ANGPT2: variants seen among roughly 807,000 people sequenced by gnomAD.
ANGPT2 encodes the protein angiopoietin-2.
Under a neutral mutation model 62.9 loss-of-function variants are expected in ANGPT2, and 28 were observed. The observed-to-expected ratio is 0.44, with a 90% CI of 0.33 to 0.61. The LOEUF (loss-of-function observed/expected upper bound fraction) is 0.61, where lower values mean the gene tolerates loss of function less well. Ranked by LOEUF, ANGPT2 falls within the 20% of genes least tolerant of loss-of-function variation. The pLI, the probability that ANGPT2 is intolerant of heterozygous loss-of-function variation, is 0.03. For synonymous variants in ANGPT2, 284 were observed against 207.8 expected, an observed-to-expected ratio of 1.37 and a Z score of -3.15; for missense variants, 727 against 594.9, an observed-to-expected ratio of 1.22 and a Z score of -2.31.
chr8:6,549,466 G>T (rs1010400662), intron 1 of ANGPT2, among the ~76,000 whole-genome samples: 1 of 152,212 alleles, frequency 6.6e-6, no homozygotes, highest in Non-Finnish European at 1.5e-5. Flanking sequence ...GACGAGGAGG[G>T]GCCTGAGGAA....
intron 1 of ANGPT2, among the ~76,000 whole-genome samples, chr8:6,542,558 C>G (rs902697059): frequency 6.6e-6 from 1 of 151,854 alleles, no homozygotes; most frequent in Non-Finnish European, 1.5e-5. Context: ...AACACCCCAT[C>G]CCGCACTCTC....
chr8:6,527,462 A>T, intron 3 of ANGPT2, 93 bp downstream of exon 3: 1 of 1,477,808 alleles, frequency 6.8e-7, no homozygotes, highest in Non-Finnish European at 9.2e-7. Context: ...ACATGAAGAA[A>T]CTCACCATTC....
intron 1 of ANGPT2, among the ~76,000 whole-genome samples, chr8:6,547,605 G>A (rs1484928152): frequency 3.3e-5 from 5 of 152,158 alleles, no homozygotes; most frequent in African/African-American, 7.2e-5. Context: ...TGACTCACTT[G>A]CCTCATCAGT....
intron 1 of ANGPT2, among the ~76,000 whole-genome samples, chr8:6,535,813 C>A (rs1040269716): frequency 1.3e-5 from 2 of 151,354 alleles, no homozygotes; most frequent in Non-Finnish European, 1.5e-5. Context: ...TTTGGGAGGC[C>A]GAGGCAGGAG....
At position 6,499,939 on chromosome 8, in the gene ANGPT2, ATGT is replaced by A. The variant is rs780475183; in HGVS notation, c.*3159_*3161del. On this transcript the variant is annotated 3_prime_UTR_variant, in exon 9 of 9. Transcript: ENST00000629816. ...CTTCCCTGCAGCTCCCGTAAGTCAG[ATGT>A]TGTTTTACGATGGTAAATGCAGTTT... 3.1e-6 allele frequency: 5 copies of A among 1,610,802 alleles called. No individual in the cohort carries two copies. Among genetic ancestry groups the A allele is most frequent in the Middle Eastern group, 3.5e-4 (2 of 5,754 alleles).
chr8:6,555,433 A>C (rs10481362), intron 1 of ANGPT2, among the ~76,000 whole-genome samples: 11,434 of 151,188 alleles, frequency 0.076, 1,267 homozygotes, highest in African/African-American at 0.24. Context: ...TCTTGGTTAT[A>C]ACATAATTTG....
At chr8:6,529,175 C>A (rs1256267122) in intron 2 of ANGPT2, among the ~76,000 whole-genome samples, 1 of 152,202 alleles carries the variant, frequency 6.6e-6, no homozygotes, top group Non-Finnish European at 1.5e-5. Context: ...ACCGCTGGAC[C>A]AGCCTGAAGG....
chr8:6,540,191 C>A (rs1206768717), intron 1 of ANGPT2, among the ~76,000 whole-genome samples: 1 of 152,140 alleles, frequency 6.6e-6, no homozygotes, highest in Non-Finnish European at 1.5e-5. Context: ...ATTTTTTTCA[C>A]ATATATTTGA....
intron 1 of ANGPT2, among the ~76,000 whole-genome samples, chr8:6,538,108 G>A (rs1035032273): frequency 7.3e-5 from 11 of 151,722 alleles, no homozygotes; most frequent in South Asian, 2.1e-4. Context: ...ACACATACAC[G>A]TTTTTCTATC....
At chr8:6,505,396 TAGAATATATATATTCTTTATATACATAA>T (rs1563306818) in intron 8 of ANGPT2, among the ~76,000 whole-genome samples, 1,022 of 55,792 alleles carry the variant, frequency 0.018, 118 homozygotes, top group Non-Finnish European at 0.034. Flanking sequence ...TATATGTATA[TAGAATATATATATTCTTTATATACATAA>T]AGAATATATA....
intron 1 of ANGPT2, among the ~76,000 whole-genome samples, chr8:6,559,545 TC>T (rs1563127059): frequency 1.4e-5 from 2 of 142,468 alleles, no homozygotes; most frequent in Non-Finnish European, 3.1e-5. Flanking sequence ...AATGTTTGCC[TC>T]CGTAGTAGGC....
intron 5 of ANGPT2, among the ~76,000 whole-genome samples, chr8:6,516,756 C>G (rs778165369): frequency 6.6e-6 from 1 of 152,128 alleles, no homozygotes; most frequent in Non-Finnish European, 1.5e-5. Context: ...GTGAGCCTAT[C>G]CTTGTTCCAA....
intron 1 of ANGPT2, among the ~76,000 whole-genome samples, chr8:6,544,349 TTGAC>T (rs200463012): frequency 0.016 from 2,436 of 152,342 alleles, 25 homozygotes; most frequent in Non-Finnish European, 0.025. Context: ...TGATTATAGT[TTGAC>T]TGTGCTGGAA....
intron 7 of ANGPT2, 104 bp from the exon 8 acceptor site, chr8:6,509,166 G>C (rs1814415571): frequency 6.9e-7 from 1 of 1,448,892 alleles, no homozygotes; most frequent in Non-Finnish European, 9.3e-7. Flanking sequence ...AGCGTGTTCT[G>C]TACTCGTTAA....
At chr8:6,525,109 C>G (rs980311375) in intron 3 of ANGPT2, among the ~76,000 whole-genome samples, 1 of 152,230 alleles carries the variant, frequency 6.6e-6, no homozygotes, top group African/African-American at 2.4e-5. Context: ...CATTTTCTGA[C>G]TCTTTAACCC....
chr8:6,538,099 C>T (rs564234397), intron 1 of ANGPT2, among the ~76,000 whole-genome samples: 2 of 152,166 alleles, frequency 1.3e-5, no homozygotes, highest in African/African-American at 4.8e-5. Flanking sequence ...CTCTCACACA[C>T]ACATACACGT....
intron 8 of ANGPT2, among the ~76,000 whole-genome samples, chr8:6,504,317 C>CAAAA (rs35379672): frequency 1.8e-3 from 152 of 85,788 alleles, no homozygotes; most frequent in African/African-American, 5.2e-3. Context: ...GACTCCAGCT[C>CAAAA]AAAAAAAAAA....
At chr8:6,541,420 G>T (rs1348423030) in intron 1 of ANGPT2, among the ~76,000 whole-genome samples, 1 of 152,098 alleles carries the variant, frequency 6.6e-6, no homozygotes, top group Non-Finnish European at 1.5e-5. Flanking sequence ...GAGAGGAGAG[G>T]AAAAGCAGTG....
At chr8:6,520,146 C>A (rs1348684038) in intron 4 of ANGPT2, 155 bp from the exon 5 acceptor site, 3 of 780,904 alleles carry the variant, frequency 3.8e-6, no homozygotes, top group African/African-American at 3.5e-5. Context: ...AGAAAGTTTC[C>A]TTTCAGCCTG....
Sources: gnomAD v4.1 joint callset for allele counts (sites outside exome capture counted in the v4.1 genomes callset) on GRCh38, gnomAD v4.1.1 for gene constraint, MANE v1.5 for transcripts, NCBI Gene and HGNC (gene_info 2026-07-23, HGNC 2026-07-21) for gene names.